The following ADGRL3 variants were observed in gnomAD, a reference collection of about 807,000 sequenced individuals.
The protein encoded by ADGRL3 is adhesion G protein-coupled receptor L3.
Under a neutral mutation model 153.5 loss-of-function variants are expected in ADGRL3, and 62 were observed. That is an observed-to-expected ratio of 0.40 (90% CI 0.33 to 0.50). The LOEUF (loss-of-function observed/expected upper bound fraction) is 0.50, where lower values mean the gene tolerates loss of function less well. Among genes scored for constraint, ADGRL3 ranks in the 20% least tolerant of loss-of-function variants. The pLI is 0.47. For missense variants in ADGRL3, 1,641 were observed against 1,859.4 expected, an observed-to-expected ratio of 0.88 and a Z score of 2.16; for synonymous variants, 710 against 672.5, an observed-to-expected ratio of 1.06 and a Z score of -0.86.
chr4:62,059,438 C>G (rs1297115657), intron 25 of ADGRL3, among the ~76,000 whole-genome samples: 1 of 152,018 alleles, frequency 6.6e-6, no homozygotes, highest in Non-Finnish European at 1.5e-5. Flanking sequence ...ACATTGATTT[C>G]AAATGGTGCA....
chr4:61,548,131 T>G (rs1360137281), intron 4 of ADGRL3, among the ~76,000 whole-genome samples: 3 of 152,164 alleles, frequency 2.0e-5, no homozygotes, highest in Non-Finnish European at 4.4e-5. Context: ...TGGGGTTGTT[T>G]GCTTTTTGCT....
chr4:61,854,638 C>T (rs1248229544), intron 9 of ADGRL3, among the ~76,000 whole-genome samples: 1 of 152,156 alleles, frequency 6.6e-6, no homozygotes, highest in Non-Finnish European at 1.5e-5. Flanking sequence ...GCAGATACTT[C>T]TTCCTTAATG....
intron 2 of ADGRL3, among the ~76,000 whole-genome samples, chr4:61,397,993 A>G (rs974896682): frequency 6.6e-6 from 1 of 151,872 alleles, no homozygotes; most frequent in Non-Finnish European, 1.5e-5. Flanking sequence ...GGAGGGAGCC[A>G]TTCTTCATAT....
At chr4:61,916,058 AC>A (rs2098743793) in intron 13 of ADGRL3, among the ~76,000 whole-genome samples, 1 of 152,152 alleles carries the variant, frequency 6.6e-6, no homozygotes. Flanking sequence ...GTATGTTCTG[AC>A]TTTTAACCTT....
chr4:61,246,078 CCTAA>C (rs1476379724), intron 1 of ADGRL3, among the ~76,000 whole-genome samples: 1 of 152,008 alleles, frequency 6.6e-6, no homozygotes, highest in Non-Finnish European at 1.5e-5. Context: ...TCTGTTGTCT[CCTAA>C]CTATGGCCCT....
intron 1 of ADGRL3, among the ~76,000 whole-genome samples, chr4:61,263,265 T>G (rs1578029586): frequency 6.6e-6 from 1 of 151,944 alleles, no homozygotes; most frequent in East Asian, 1.9e-4. Flanking sequence ...GTAAAATATT[T>G]TAATAGAAAT....
At chr4:61,593,880 C>A (rs1421003743) in intron 5 of ADGRL3, among the ~76,000 whole-genome samples, 1 of 152,022 alleles carries the variant, frequency 6.6e-6, no homozygotes, top group East Asian at 1.9e-4. Context: ...TGATATTATC[C>A]CTATGAATCC....
intron 1 of ADGRL3, among the ~76,000 whole-genome samples, chr4:61,320,040 G>C (rs1196943234): frequency 2.0e-5 from 3 of 152,116 alleles, no homozygotes; most frequent in Admixed American, 2.0e-4. Context: ...GCTCTTATAA[G>C]AAGAGGAGGA....
chr4:62,002,244 TA>T (rs1214346227), intron 21 of ADGRL3, among the ~76,000 whole-genome samples: 6 of 147,682 alleles, frequency 4.1e-5, no homozygotes, highest in African/African-American at 1.5e-4. Context: ...CAAGGCCCAT[TA>T]AACCTCCCTG....
At chr4:61,746,217 G>A (rs531209228) in intron 8 of ADGRL3, among the ~76,000 whole-genome samples, 65 of 152,222 alleles carry the variant, frequency 4.3e-4, no homozygotes, top group African/African-American at 1.5e-3. Flanking sequence ...CAAGTCCTGA[G>A]TGACCTACAA....
At chr4:61,978,016 A>T (rs1165686880) in intron 17 of ADGRL3, among the ~76,000 whole-genome samples, 5 of 152,114 alleles carry the variant, frequency 3.3e-5, no homozygotes. Context: ...CTCAGTGTTT[A>T]GCTCCTGATT....
At position 61,538,234 on chromosome 4, in the gene ADGRL3, G is replaced by A. The variant is rs114225406; in HGVS notation, c.259+20716G>A. On this transcript the variant is annotated intron_variant, in intron 4 of 26. Coordinates refer to ENST00000683033, the MANE Select transcript of ADGRL3 (RefSeq NM_001387552.1). ...CTTCATTTCTAGGTGTTTTCAGGGG[G>A]CTAAGACTCGTTGTGTGCTTCTTTG... is the stretch of plus-strand genomic sequence containing the variant. Among the ~76,000 whole-genome samples the A allele has an allele frequency of 4.6e-3, 691 of 151,752 alleles. 7 individuals carry two copies. The highest frequency in any genetic ancestry group is 0.016 in the African/African-American group (659 of 41,310).
chr4:61,327,492 C>G (rs1220803998), intron 1 of ADGRL3, among the ~76,000 whole-genome samples: 1 of 151,736 alleles, frequency 6.6e-6, no homozygotes, highest in Non-Finnish European at 1.5e-5. Context: ...CTAGTTTAGA[C>G]TTGTTGAGTT....
chr4:61,362,843 A>T (rs774062170), intron 1 of ADGRL3, among the ~76,000 whole-genome samples: 1 of 152,142 alleles, frequency 6.6e-6, no homozygotes, highest in African/African-American at 2.4e-5. Context: ...TGACTTTTTC[A>T]TATAAATATA....
At chr4:61,617,424 TA>T (rs112056049) in intron 5 of ADGRL3, among the ~76,000 whole-genome samples, 2 of 152,102 alleles carry the variant, frequency 1.3e-5, no homozygotes, top group East Asian at 1.9e-4. Context: ...CATGGTAAAG[TA>T]AAAAAAACTT....
chr4:61,658,859 G>A (rs750196993), intron 5 of ADGRL3, among the ~76,000 whole-genome samples: 1 of 152,100 alleles, frequency 6.6e-6, no homozygotes. Flanking sequence ...CCCAGGTTAG[G>A]GACCTGTGTT....
chr4:61,700,658 G>A (rs548977941), intron 6 of ADGRL3, among the ~76,000 whole-genome samples: 50 of 152,158 alleles, frequency 3.3e-4, no homozygotes, highest in Middle Eastern at 6.8e-3. Flanking sequence ...GTGAAAAGTC[G>A]GTAACTGAAT....
chr4:61,206,569 A>ATGTGATGGCATCATTGC (rs1184759287), intron 1 of ADGRL3, among the ~76,000 whole-genome samples: 8 of 152,322 alleles, frequency 5.3e-5, no homozygotes, highest in African/African-American at 1.9e-4. Flanking sequence ...GGTATATGAT[A>ATGTGATGGCATCATTGC]TGTGATGGCA....
chr4:61,776,714 T>C (rs1332343612), intron 8 of ADGRL3, among the ~76,000 whole-genome samples: 1 of 152,180 alleles, frequency 6.6e-6, no homozygotes, highest in African/African-American at 2.4e-5. Context: ...CTTGAATTTA[T>C]GTAAATTAAA....
Sources: allele counts gnomAD v4.1 joint callset (sites outside exome capture counted in the v4.1 genomes callset), GRCh38; gene constraint gnomAD v4.1.1; transcripts MANE v1.5; gene names NCBI Gene and HGNC (gene_info 2026-07-23, HGNC 2026-07-21).